Variants in PRDM1 observed in about 807,000 individuals in gnomAD.
PRDM1 encodes PR/SET domain 1.
In PRDM1, 13 loss-of-function variants were observed where a neutral mutation model predicts 62.8. The observed-to-expected ratio is 0.21, with a 90% CI of 0.13 to 0.33. PRDM1 has a LOEUF of 0.33. Ranked by LOEUF, PRDM1 falls within the 10% of genes least tolerant of loss-of-function variation. The pLI is 1.00. For synonymous variants in PRDM1, 396 were observed against 417.6 expected (o/e 0.95, Z 0.63); for missense variants, 895 against 1,058.8 (o/e 0.85, Z 2.15).
intron 1 of PRDM1, among the ~76,000 whole-genome samples, chr6:106,060,759 C>T (rs1773332688): frequency 6.6e-6 from 1 of 151,918 alleles, no homozygotes; most frequent in Non-Finnish European, 1.5e-5. Context: ...CTTTGGAGGA[C>T]ATGTGCTTCA....
At chr6:105,995,011 G>A (rs552336410) in intron 1 of PRDM1, among the ~76,000 whole-genome samples, 1 of 152,348 alleles carries the variant, frequency 6.6e-6, no homozygotes, top group East Asian at 1.9e-4. Flanking sequence ...CACGCTGCCC[G>A]ACGCCGTCGC....
In PRDM1 at chr6:106,104,932, T is replaced by C. The variant is rs760014399; in HGVS notation, c.772T>C (p.Ser258Pro). Residue 258 changes from serine (S) to proline (P), a missense_variant, in exon 5 of 7, where the codon TCC becomes CCC. Transcript: ENST00000369096. ...CGTGAAAGAAATCCTAAAATTGGAC[T>C]CCAACCCCTCCAAAGGAAAGGACCT... ...YSVKEILKLD[S>P]NPSKGKDLYR... 4 of 1,613,992 alleles carry C rather than the reference T, an allele frequency of 2.5e-6. No homozygotes were observed. In the South Asian group the frequency reaches 4.4e-5, roughly 18 times the overall value.
intron 1 of PRDM1, among the ~76,000 whole-genome samples, chr6:106,048,796 C>T (rs1176366908): frequency 6.6e-6 from 1 of 152,008 alleles, no homozygotes; most frequent in Non-Finnish European, 1.5e-5. Context: ...TATTTTAGAG[C>T]TCTTTTCTCT....
chr6:106,086,684 T>C, intron 1 of PRDM1, 89 bp downstream of exon 1: 1 of 1,260,472 alleles, frequency 7.9e-7, no homozygotes, highest in Non-Finnish European at 1.1e-6. Flanking sequence ...TATTAATTTT[T>C]TTTGGCTAAT....
chr6:106,000,188 A>C (rs552865594), intron 1 of PRDM1, among the ~76,000 whole-genome samples: 2 of 152,356 alleles, frequency 1.3e-5, no homozygotes, highest in East Asian at 1.9e-4. Flanking sequence ...ACTATAGAGA[A>C]TATTATAAAC....
intron 1 of PRDM1, among the ~76,000 whole-genome samples, chr6:106,043,023 G>A (rs563482974): frequency 6.8e-4 from 104 of 152,218 alleles, no homozygotes; most frequent in African/African-American, 2.4e-3. Context: ...GCTAATTTTT[G>A]TATTTTTAGT....
chr6:106,034,029 T>C (rs1430900276), intron 1 of PRDM1, among the ~76,000 whole-genome samples: 1 of 152,158 alleles, frequency 6.6e-6, no homozygotes, highest in Non-Finnish European at 1.5e-5. Context: ...GTTTATCCAA[T>C]CTGTTAGCAT....
intron 1 of PRDM1, among the ~76,000 whole-genome samples, chr6:106,057,424 C>T (rs1773283138): frequency 6.6e-6 from 1 of 152,160 alleles, no homozygotes; most frequent in Non-Finnish European, 1.5e-5. Context: ...CTGTAGCCTT[C>T]TTTTATGGAC....
chr6:106,085,632 A>C (rs1773779809), upstream of PRDM1, among the ~76,000 whole-genome samples: 1 of 152,226 alleles, frequency 6.6e-6, no homozygotes, highest in Non-Finnish European at 1.5e-5. Context: ...TGCAGTGATC[A>C]GTTCAATATT....
At chr6:106,102,852 A>G (rs1331964931) in intron 4 of PRDM1, among the ~76,000 whole-genome samples, 2 of 152,216 alleles carry the variant, frequency 1.3e-5, no homozygotes, top group African/African-American at 4.8e-5. Flanking sequence ...GTTTTTAAAA[A>G]TCATTATGAA....
At chr6:106,022,879 T>C (rs1487916888) in intron 1 of PRDM1, among the ~76,000 whole-genome samples, 1 of 152,190 alleles carries the variant, frequency 6.6e-6, no homozygotes, top group East Asian at 1.9e-4. Flanking sequence ...TGAACATCAT[T>C]TCACTATTTC....
At chr6:106,019,253 C>CAAAAAAAAAAAAA (rs55704256) in intron 1 of PRDM1, among the ~76,000 whole-genome samples, 1 of 69,654 alleles carries the variant, frequency 1.4e-5, no homozygotes. Flanking sequence ...GACTCCATCT[C>CAAAAAAAAAAAAA]AAAAAAAAAA....
intron 1 of PRDM1, among the ~76,000 whole-genome samples, chr6:106,006,243 C>G (rs970579200): frequency 6.6e-6 from 1 of 152,142 alleles, no homozygotes. Flanking sequence ...CTTCTTTTTT[C>G]TTTTTCCTCC....
intron 1 of PRDM1, among the ~76,000 whole-genome samples, chr6:106,042,284 G>A (rs1773007654): frequency 6.6e-6 from 1 of 151,176 alleles, no homozygotes; most frequent in Admixed American, 6.6e-5. Flanking sequence ...ACTTTGGGAG[G>A]TCGAGGCGGG....
At chr6:106,100,022 ATAT>A (rs1774223454) in intron 4 of PRDM1, 1 of 155,494 alleles carries the variant, frequency 6.4e-6, no homozygotes, top group Non-Finnish European at 1.4e-5. Context: ...TAATTTTTCA[ATAT>A]TATTCTAAGT....
chr6:106,033,778 T>A (rs896197467), intron 1 of PRDM1, among the ~76,000 whole-genome samples: 1 of 152,102 alleles, frequency 6.6e-6, no homozygotes, highest in Non-Finnish European at 1.5e-5. Context: ...AGAAATGTTC[T>A]TTTCTCTTTA....
chr6:106,066,303 A>G (rs1252813998), intron 1 of PRDM1, among the ~76,000 whole-genome samples: 1 of 152,218 alleles, frequency 6.6e-6, no homozygotes, highest in Non-Finnish European at 1.5e-5. Context: ...GCTGGTGGAC[A>G]GGAGCTAGCT....
intron 1 of PRDM1, among the ~76,000 whole-genome samples, chr6:106,038,344 G>A (rs1319204792): frequency 6.6e-6 from 1 of 151,996 alleles, no homozygotes; most frequent in African/African-American, 2.4e-5. Context: ...TCTGTGCCAA[G>A]GATCAGCCTG....
intron 1 of PRDM1, among the ~76,000 whole-genome samples, chr6:106,059,081 A>G (rs981438650): frequency 1.7e-4 from 26 of 152,330 alleles, no homozygotes; most frequent in African/African-American, 6.0e-4. Context: ...AGCAGTAAAA[A>G]CAACACAGAC....
Sources: allele counts gnomAD v4.1 joint callset (sites outside exome capture counted in the v4.1 genomes callset), GRCh38; gene constraint gnomAD v4.1.1; transcripts MANE v1.5; gene names NCBI Gene and HGNC (gene_info 2026-07-23, HGNC 2026-07-21).